SLC24A2: variants seen among roughly 807,000 people sequenced by gnomAD.
The protein encoded by SLC24A2 is solute carrier family 24 member 2, also known as sodium/potassium/calcium exchanger 2.
A neutral mutation model predicts 62.0 loss-of-function variants in SLC24A2; 36 were observed. The ratio of observed to expected loss-of-function variants is 0.58; its 90% CI spans 0.44 to 0.77. The LOEUF is 0.77. SLC24A2 is among the 30% of genes least tolerant of loss of function. The pLI, the probability that SLC24A2 is intolerant of heterozygous loss-of-function variation, is 0.00. For missense variants in SLC24A2, 846 were observed against 817.9 expected (o/e 1.03, Z -0.42); for synonymous variants, 358 against 294.0 (o/e 1.22, Z -2.23).
chr9:20,269,503 G>A, the SLC24A2 span, among the ~76,000 whole-genome samples: 1 of 152,140 alleles, frequency 6.6e-6, no homozygotes, highest in African/African-American at 2.4e-5. Context: ...CAGTAAGAAG[G>A]GGCACGAGTG....
the SLC24A2 span, among the ~76,000 whole-genome samples, chr9:20,288,595 C>T: frequency 6.6e-6 from 1 of 152,028 alleles, no homozygotes; most frequent in Admixed American, 6.6e-5. Flanking sequence ...ATGGCGAAAA[C>T]CTATCTCTAC....
the SLC24A2 span, among the ~76,000 whole-genome samples, chr9:20,035,615 G>A: frequency 9.9e-5 from 15 of 152,148 alleles, no homozygotes; most frequent in African/African-American, 3.4e-4. Flanking sequence ...TTAGCTGGGT[G>A]TGGTGGTGCA....
chr9:19,755,221 T>C (rs1244726821), intron 2 of SLC24A2, among the ~76,000 whole-genome samples: 2 of 152,166 alleles, frequency 1.3e-5, no homozygotes, highest in Admixed American at 6.5e-5. Flanking sequence ...ATAATACATG[T>C]AGAATCCTTG....
chr9:19,722,575 G>T (rs1821057877), intron 2 of SLC24A2, among the ~76,000 whole-genome samples: 1 of 151,620 alleles, frequency 6.6e-6, no homozygotes, highest in South Asian at 2.1e-4. Flanking sequence ...TTATCGAAAA[G>T]AACCAGTTAA....
chr9:19,615,532 G>T (rs1563999195), intron 4 of SLC24A2, among the ~76,000 whole-genome samples: 1 of 152,160 alleles, frequency 6.6e-6, no homozygotes, highest in Non-Finnish European at 1.5e-5. Flanking sequence ...AATTTTGGGG[G>T]AAAAATACCA....
chr9:20,262,001 G>T, the SLC24A2 span, among the ~76,000 whole-genome samples: 8 of 152,230 alleles, frequency 5.3e-5, no homozygotes, highest in Non-Finnish European at 1.0e-4. Context: ...GCCTCCCAAA[G>T]TGCTGGGAAT....
At chr9:19,975,875 T>C in the SLC24A2 span, among the ~76,000 whole-genome samples, 1 of 151,602 alleles carries the variant, frequency 6.6e-6, no homozygotes, top group Non-Finnish European at 1.5e-5. Flanking sequence ...GAAAAAAAAA[T>C]AACAATATGA....
the SLC24A2 span, among the ~76,000 whole-genome samples, chr9:19,880,363 A>G: frequency 1.3e-5 from 2 of 152,218 alleles, no homozygotes; most frequent in Non-Finnish European, 2.9e-5. Context: ...ACATCACCAC[A>G]CATGGAGCAT....
the SLC24A2 span, among the ~76,000 whole-genome samples, chr9:20,289,707 T>C: frequency 6.6e-6 from 1 of 152,206 alleles, no homozygotes; most frequent in East Asian, 1.9e-4. Context: ...GAACATTTCC[T>C]GGATGAATGA....
At chr9:19,612,237 G>T (rs1403620194) in intron 4 of SLC24A2, among the ~76,000 whole-genome samples, 1 of 152,142 alleles carries the variant, frequency 6.6e-6, no homozygotes, top group Non-Finnish European at 1.5e-5. Context: ...GTCCTTTTCT[G>T]TCCATTTCTT....
the SLC24A2 span, among the ~76,000 whole-genome samples, chr9:20,094,566 T>G: frequency 2.0e-5 from 3 of 152,184 alleles, no homozygotes; most frequent in Admixed American, 6.5e-5. Context: ...TTTTAAAAAT[T>G]TGTGAAAATA....
At chr9:20,017,618 CA>C in the SLC24A2 span, among the ~76,000 whole-genome samples, 1 of 152,142 alleles carries the variant, frequency 6.6e-6, no homozygotes, top group Non-Finnish European at 1.5e-5. Flanking sequence ...GTGCGAGCCC[CA>C]AAACCTCAAA....
the SLC24A2 span, among the ~76,000 whole-genome samples, chr9:20,263,982 C>A: frequency 6.6e-6 from 1 of 151,748 alleles, no homozygotes; most frequent in East Asian, 1.9e-4. Flanking sequence ...TCTTGCTCTG[C>A]ACCTCTGAGC....
At chr9:20,185,930 G>A in the SLC24A2 span, among the ~76,000 whole-genome samples, 57 of 152,180 alleles carry the variant, frequency 3.7e-4, no homozygotes, top group Non-Finnish European at 1.2e-4. Flanking sequence ...CTGTATGCCA[G>A]TCCCTCTCCA....
chr9:19,789,080 C>T (rs949860687), upstream of SLC24A2, among the ~76,000 whole-genome samples: 4 of 152,318 alleles, frequency 2.6e-5, no homozygotes, highest in South Asian at 6.2e-4. Context: ...CGCTGCCCGG[C>T]CCCCGCCGGC....
At position 19,584,286 on chromosome 9, in the gene SLC24A2, A is replaced by C. The variant is rs961389; in HGVS notation, c.1130-7264T>G. Among the ~76,000 whole-genome samples the C allele has an allele frequency of 3.8e-4, 57 of 150,074 alleles. No homozygotes were observed. In the South Asian group the frequency reaches 7.2e-3, roughly 19 times the overall value. On this transcript the variant is annotated intron_variant, in intron 5 of 10. Coordinates refer to ENST00000341998, the MANE Select transcript of SLC24A2 (RefSeq NM_020344.4). ...CATAGCAAATAGTAAAAAAAAAAAA[A>C]AAAAAAACAAACAAAAAACAAAACA...
chr9:19,561,040 C>G (rs1431825977), intron 7 of SLC24A2, among the ~76,000 whole-genome samples: 3 of 152,004 alleles, frequency 2.0e-5, no homozygotes, highest in Non-Finnish European at 2.9e-5. Context: ...ATTCTCTTTC[C>G]TCAGCCTCCC....
chr9:19,541,515 C>T (rs1265459931), intron 8 of SLC24A2, among the ~76,000 whole-genome samples: 2 of 144,040 alleles, frequency 1.4e-5, no homozygotes, highest in African/African-American at 5.3e-5. Context: ...AGTTAGGCTG[C>T]TCGGGGGTCA....
At chr9:19,706,976 T>A (rs982741824) in intron 2 of SLC24A2, among the ~76,000 whole-genome samples, 1 of 151,792 alleles carries the variant, frequency 6.6e-6, no homozygotes, top group African/African-American at 2.4e-5. Flanking sequence ...AGCTGGTTTT[T>A]TGAAAGGATC....
Sources: gnomAD v4.1 joint callset for allele counts (sites outside exome capture counted in the v4.1 genomes callset) on GRCh38, gnomAD v4.1.1 for gene constraint, MANE v1.5 for transcripts, NCBI Gene and HGNC (gene_info 2026-07-23, HGNC 2026-07-21) for gene names.